Variants in C6 observed in about 807,000 individuals in gnomAD.
C6 encodes the protein complement C6, also known as complement component C6.
A neutral mutation model predicts 112.9 loss-of-function variants in C6; 101 were observed. The observed-to-expected ratio is 0.89, with a 90% confidence interval of 0.76 to 1.06. C6 has a LOEUF of 1.06. Among genes scored for constraint, C6 ranks in the 50% least tolerant of loss-of-function variants. C6 has a pLI of 0.00. For synonymous variants in C6, 431 were observed against 384.1 expected, an observed-to-expected ratio of 1.12 and a Z score of -1.43; for missense variants, 1,202 against 1,104.6, an observed-to-expected ratio of 1.09 and a Z score of -1.25.
chr5:41,165,835 C>T (rs1315599350), intron 9 of C6, among the ~76,000 whole-genome samples: 1 of 152,084 alleles, frequency 6.6e-6, no homozygotes, highest in East Asian at 1.9e-4. Context: ...AGCCAATCAA[C>T]AGTGGAGCCA....
At chr5:41,157,915 A>C (rs1747072280) in intron 13 of C6, among the ~76,000 whole-genome samples, 1 of 152,150 alleles carries the variant, frequency 6.6e-6, no homozygotes, top group Non-Finnish European at 1.5e-5. Context: ...GTGAATATGG[A>C]AGATACATTA....
At chr5:41,251,407 C>G (rs957470369) in intron 1 of C6, among the ~76,000 whole-genome samples, 57 of 152,300 alleles carry the variant, frequency 3.7e-4, no homozygotes, top group African/African-American at 1.4e-3. Flanking sequence ...ACTGGCACCA[C>G]TGGCACTAGA....
At chr5:41,194,394 A>G (rs1172076993) in intron 5 of C6, among the ~76,000 whole-genome samples, 2 of 152,176 alleles carry the variant, frequency 1.3e-5, no homozygotes, top group African/African-American at 4.8e-5. Flanking sequence ...GTTCTACATT[A>G]GAACCAGCTG....
chr5:41,180,190 A>G (rs982562305), intron 7 of C6, among the ~76,000 whole-genome samples: 4 of 152,178 alleles, frequency 2.6e-5, no homozygotes, highest in African/African-American at 9.7e-5. Flanking sequence ...TAGAAGAGCA[A>G]TACGATAAAA....
At chr5:41,226,096 A>G (rs565944656) in intron 1 of C6, among the ~76,000 whole-genome samples, 190 of 152,300 alleles carry the variant, frequency 1.2e-3, no homozygotes, top group African/African-American at 4.1e-3. Context: ...GCCAAAATTG[A>G]CAAATGGGAT....
At chr5:41,206,677 A>G (rs1051515685) in intron 1 of C6, among the ~76,000 whole-genome samples, 39 of 152,228 alleles carry the variant, frequency 2.6e-4, no homozygotes, top group African/African-American at 9.2e-4. Context: ...GTTTAGAGAA[A>G]AAAGAGTAAA....
At chr5:41,215,283 G>T (rs1000999695), upstream of C6, among the ~76,000 whole-genome samples, 16 of 152,126 alleles carry the variant, frequency 1.1e-4, no homozygotes, top group African/African-American at 3.4e-4. Flanking sequence ...GGCCCTTATA[G>T]GAAAAGTTGC....
chr5:41,171,233 A>C (rs1024805361), intron 9 of C6, among the ~76,000 whole-genome samples: 1 of 152,172 alleles, frequency 6.6e-6, no homozygotes, highest in African/African-American at 2.4e-5. Context: ...TATTAGATAT[A>C]GAAAGAGGGT....
Position 41,181,512 on chromosome 5 carries a change from T to C in C6, c.774A>G (p.Leu258=), listed in dbSNP as rs770822672. ...DDLKTDFYKD[L]TSLGHNENQQ... ...GATTTTCATTGTGTCCAAGAGAAGT[T>C]AAATCCTTGTAGAAATCTGTTTTCA... The change falls in exon 7 of 18, where the codon TTA becomes TTG. Residue 258 remains leucine (L), a synonymous_variant. Coordinates refer to ENST00000337836, the MANE Select transcript of C6 (RefSeq NM_000065.5). 3.1e-6 allele frequency: 5 copies of C among 1,613,706 alleles called. No homozygotes were observed. The East Asian group carries it at 8.9e-5, about 29-fold the overall frequency.
At chr5:41,227,314 T>G (rs936345835) in intron 1 of C6, among the ~76,000 whole-genome samples, 1 of 152,044 alleles carries the variant, frequency 6.6e-6, no homozygotes, top group African/African-American at 2.4e-5. Context: ...TTTTTCTAGC[T>G]ATTGGATTGT....
intron 5 of C6, among the ~76,000 whole-genome samples, chr5:41,193,422 G>A (rs561036839): frequency 5.6e-4 from 85 of 152,268 alleles, no homozygotes; most frequent in African/African-American, 2.0e-3. Context: ...TTCACATACA[G>A]CATTGTTTCT....
intron 1 of C6, among the ~76,000 whole-genome samples, chr5:41,209,652 C>A (rs62361615): frequency 6.6e-6 from 1 of 152,146 alleles, no homozygotes; most frequent in Non-Finnish European, 1.5e-5. Context: ...AGGAATCCAA[C>A]TTACAAGGGA....
intron 17 of C6, among the ~76,000 whole-genome samples, chr5:41,146,774 A>G (rs899756849): frequency 6.6e-6 from 1 of 152,124 alleles, no homozygotes; most frequent in Non-Finnish European, 1.5e-5. Flanking sequence ...AAAGTTAAAC[A>G]CCTCAAGTAT....
At chr5:41,238,825 A>G (rs182514537) in intron 1 of C6, among the ~76,000 whole-genome samples, 2 of 152,184 alleles carry the variant, frequency 1.3e-5, no homozygotes, top group Non-Finnish European at 2.9e-5. Context: ...TAAAATTATT[A>G]GAATATGGTG....
rs12522795 is a variant in C6, at chr5:41,219,185, T to A, written c.-20-15935A>T. 3.0e-3 allele frequency among the ~76,000 whole-genome samples: 459 copies of A among 152,250 alleles called. 7 individuals carry two copies. The highest frequency in any genetic ancestry group is 0.025 in the Admixed American group (384 of 15,276). On this transcript the variant is annotated intron_variant, in intron 1 of 17. Coordinates refer to the C6 transcript ENST00000263413. ...CCTGATGCACAATTATGTCACACAATCTCCAGCAAATGTAGAAATTAATAA... is the reference window on the plus strand; with the variant it reads ...CCTGATGCACAATTATGTCACACAAACTCCAGCAAATGTAGAAATTAATAA...
In C6 at chr5:41,153,860, T is replaced by G; in HGVS notation, c.2240A>C (p.Gln747Pro). 6.2e-7 allele frequency: 1 copy of G among 1,613,714 alleles called. No homozygotes were observed. The highest frequency in any genetic ancestry group is 8.5e-7 in the Non-Finnish European group (1 of 1,179,808). ...AATGGGTGGTGTCCAGGAATTCCCC[T>G]GGCATGTGTACCTTGATGGCCCAGC... ...VVAGPSRYTC[Q>P]GNSWTPPISN... is the part of the protein sequence containing the mutation. The change falls in exon 15 of 18, where the codon CAG becomes CCG. Residue 747 changes from glutamine to proline, a missense_variant. Transcript: ENST00000337836.
chr5:41,181,131 A>C (rs563501774), intron 7 of C6, among the ~76,000 whole-genome samples: 6 of 152,192 alleles, frequency 3.9e-5, no homozygotes, highest in African/African-American at 1.4e-4. Context: ...AAGTGAAGAT[A>C]AAAAACATAA....
At chr5:41,216,474 G>A (rs1164111800), upstream of C6, among the ~76,000 whole-genome samples, 1 of 151,926 alleles carries the variant, frequency 6.6e-6, no homozygotes, top group Non-Finnish European at 1.5e-5. Flanking sequence ...CTACTTCCAT[G>A]GGGTTATTGA....
At chr5:41,225,729 G>A (rs550210437) in intron 1 of C6, among the ~76,000 whole-genome samples, 13 of 152,270 alleles carry the variant, frequency 8.5e-5, no homozygotes, top group African/African-American at 3.1e-4. Flanking sequence ...TCCCAAAACA[G>A]CATGGTACTG....
Sources: gnomAD v4.1 joint callset for allele counts (sites outside exome capture counted in the v4.1 genomes callset) on GRCh38, gnomAD v4.1.1 for gene constraint, MANE v1.5 for transcripts, NCBI Gene and HGNC (gene_info 2026-07-23, HGNC 2026-07-21) for gene names.